The following LMF1 variants were observed in gnomAD, a reference collection of about 807,000 sequenced individuals.
LMF1 encodes transmembrane protein 112.
A neutral mutation model predicts 60.6 loss-of-function variants in LMF1; 68 were observed. The observed-to-expected ratio is 1.12, with a 90% CI of 0.92 to 1.37. LMF1 has a LOEUF of 1.37. Ranked by LOEUF, LMF1 falls within the 40% of genes most tolerant of loss-of-function variation. The pLI is 0.00. For missense variants in LMF1, 948 were observed against 767.2 expected, an observed-to-expected ratio of 1.24 and a Z score of -2.78; for synonymous variants, 418 against 324.7, an observed-to-expected ratio of 1.29 and a Z score of -3.09.
intron 4 of LMF1, among the ~76,000 whole-genome samples, chr16:896,367 C>T (rs1353630178): frequency 6.6e-6 from 1 of 152,242 alleles, no homozygotes; most frequent in Non-Finnish European, 1.5e-5. Flanking sequence ...TGCTGTACGT[C>T]CCTGCCCTCA....
chr16:978,243 C>T (rs959268467), intron 1 of LMF1, among the ~76,000 whole-genome samples: 50 of 151,620 alleles, frequency 3.3e-4, no homozygotes, highest in Admixed American at 8.6e-4. Context: ...ACACACCATA[C>T]GCACTATACA....
In LMF1 at chr16:870,777, G is replaced by A. The variant is rs186694298; in HGVS notation, c.1184C>T (p.Thr395Ile). Residue 395 changes from threonine to isoleucine, a missense_variant, in exon 8 of 11, where the codon ACC becomes ATC. Thr to Ile is a moderately conservative substitution (Grantham distance 89, BLOSUM62 -1). Coordinates refer to ENST00000262301, the MANE Select transcript of LMF1 (RefSeq NM_022773.4). ...NLLSSRQVMN[T>I]HFNSLHIVNT... is the part of the protein sequence containing the mutation. ...GACGATGTGAAGAGAGTTGAAGTGG[G>A]TGTTCATGACCTGCCTGGAGCTCAG... 236 of 1,612,942 alleles carry A rather than the reference G, an allele frequency of 1.5e-4. No homozygotes were observed. The East Asian group carries it at 4.9e-3, about 34-fold the overall frequency.
At chr16:886,932 G>A (rs1237322010) in intron 5 of LMF1, 1 of 147,708 alleles carries the variant, frequency 6.8e-6, no homozygotes, top group Non-Finnish European at 1.5e-5. Context: ...CCAGCACACA[G>A]AGAAAACATT....
At chr16:864,660 ATCT>A (rs993436336) in intron 10 of LMF1, among the ~76,000 whole-genome samples, 2 of 144,124 alleles carry the variant, frequency 1.4e-5, no homozygotes, top group Non-Finnish European at 3.0e-5. Context: ...TTAAGTTACT[ATCT>A]TTTTTTTTTT....
intron 3 of LMF1, among the ~76,000 whole-genome samples, chr16:925,179 A>G (rs1013036882): frequency 1.3e-5 from 2 of 152,254 alleles, no homozygotes; most frequent in Non-Finnish European, 2.9e-5. Context: ...TGAAGAGCAG[A>G]TGCCACCAAA....
At chr16:855,015 C>T (rs956173075) in intron 10 of LMF1, 8 of 481,866 alleles carry the variant, frequency 1.7e-5, no homozygotes, top group East Asian at 7.8e-5. Context: ...AGGAGCTTCA[C>T]GGGTGGCACT....
intron 4 of LMF1, 62 bp downstream of exon 4, chr16:910,869 G>C: frequency 1.3e-6 from 2 of 1,594,666 alleles, no homozygotes; most frequent in South Asian, 2.2e-5. Context: ...TCTCCTAGAA[G>C]CCTCACAGGT....
At chr16:928,806 G>A (rs921758563) in intron 3 of LMF1, among the ~76,000 whole-genome samples, 1 of 152,136 alleles carries the variant, frequency 6.6e-6, no homozygotes, top group Non-Finnish European at 1.5e-5. Flanking sequence ...CAAGATGGGG[G>A]TAGGATCGCC....
intron 4 of LMF1, among the ~76,000 whole-genome samples, chr16:910,195 T>C (rs1166683307): frequency 6.6e-6 from 1 of 152,232 alleles, no homozygotes; most frequent in African/African-American, 2.4e-5. Flanking sequence ...CGTGTTTTTG[T>C]GAACTCAGAG....
intron 1 of LMF1, chr16:979,926 AC>A (rs1383747684): frequency 8.3e-6 from 3 of 362,208 alleles, no homozygotes; most frequent in African/African-American, 2.1e-5. Flanking sequence ...GGATGCGGGG[AC>A]CCCGAGCGGA....
rs570425387 is a variant in LMF1 at position 979,525 on chromosome 16, G to A, written c.-135+1620C>T. ...CAGGGTCTCAGTTGCACAGACCACC[G>A]TGCCCCAGAGTCAGGGCCTGGATGC... On this transcript the variant is annotated intron_variant, in intron 1 of 6. Coordinates refer to the LMF1 transcript ENST00000570014. The A allele has an allele frequency of 4.5e-4, 185 of 412,224 alleles. 2 individuals carry two copies. The highest frequency in any genetic ancestry group is 3.0e-3 in the South Asian group (169 of 56,116). 25.5% of individuals were successfully genotyped at this position (412,224 alleles called of 1,614,324 possible).
intron 1 of LMF1, chr16:979,840 C>A (rs2073291490): frequency 2.3e-6 from 1 of 443,600 alleles, no homozygotes; most frequent in Non-Finnish European, 4.6e-6. Flanking sequence ...TAAACCCCCA[C>A]TTCTGCCTGC....
At position 879,712 on chromosome 16, in the gene LMF1, G is replaced by A. The variant is rs773491556; in HGVS notation, c.755C>T (p.Ala252Val). 1.8e-5 allele frequency: 29 copies of A among 1,597,808 alleles called. No homozygotes were observed. The highest frequency in any genetic ancestry group is 5.2e-5 in the Admixed American group (3 of 57,314). The change falls in exon 6 of 11, where the codon GCG (alanine) becomes GTG (valine). Residue 252 changes from alanine (A) to valine (V), a missense_variant. Ala to Val is a moderately conservative substitution (Grantham distance 64, BLOSUM62 0). Coordinates refer to ENST00000262301, the MANE Select transcript of LMF1 (RefSeq NM_022773.4). ...YETQPMPNPVAYYLHHSPWWF... is the reference protein window; with the variant it reads ...YETQPMPNPVVYYLHHSPWWF... ...CCAGGGTGAGTGGTGCAGGTAGTAC[G>A]CCACAGGATTGGGCATCGGCTGGGT...
intron 10 of LMF1, among the ~76,000 whole-genome samples, chr16:856,978 T>C (rs1457627182): frequency 6.6e-6 from 1 of 152,210 alleles, no homozygotes; most frequent in Admixed American, 6.5e-5. Flanking sequence ...ACCTTCGGCC[T>C]CCTTGTGTGA....
At chr16:964,115 C>T (rs1455328218) in intron 1 of LMF1, 6 of 455,794 alleles carry the variant, frequency 1.3e-5, no homozygotes, top group East Asian at 6.9e-5. Flanking sequence ...CAGGCATGGC[C>T]GATAAATACT....
At position 931,505 on chromosome 16, in the gene LMF1, C is replaced by T. The variant is rs567801145; in HGVS notation, c.514+2739G>A. On this transcript the variant is annotated intron_variant, in intron 3 of 10. Coordinates refer to ENST00000262301, the MANE Select transcript of LMF1 (RefSeq NM_022773.4). ...CGGCTCGGATGAGCTGAGGAACGCA[C>T]GCACAAACTGCATTCTCCCAGGCCG... 446 of 557,982 alleles carry T rather than the reference C, an allele frequency of 8.0e-4. 1 individual carries two copies. The highest frequency in any genetic ancestry group is 1.1e-3 in the Non-Finnish European group (411 of 361,128). The allele number at this position is 557,982 out of a possible 1,614,324, so 34.6% of individuals were successfully genotyped here.
intron 3 of LMF1, among the ~76,000 whole-genome samples, chr16:932,577 T>C (rs2071821478): frequency 1.3e-5 from 2 of 152,186 alleles, no homozygotes; most frequent in South Asian, 4.1e-4. Context: ...GTTGTGATTG[T>C]ACAATTTTAA....
In LMF1 at chr16:854,259, C is replaced by T. The variant is rs879601185; in HGVS notation, c.*273G>A. 16 of 651,320 alleles carry T rather than the reference C, an allele frequency of 2.5e-5. No homozygotes were observed. Among genetic ancestry groups the T allele is most frequent in the Non-Finnish European group, 4.5e-5 (16 of 353,430 alleles). 40.3% of individuals were successfully genotyped at this position (651,320 alleles called of 1,614,324 possible). A position where few individuals can be genotyped will look rare whatever the true frequency, so the allele number is the denominator to read the frequency against. On this transcript the variant is annotated 3_prime_UTR_variant, in exon 11 of 11. Transcript: ENST00000262301. ...GGCGGCACAGCCCCAGGCTGGGCCT[C>T]TGGGAGGAGGGTGGGATGGATGGGA...
In LMF1 at chr16:940,069, G is replaced by A. The variant is rs981665952; in HGVS notation, c.504-5815C>T. On this transcript the variant is annotated intron_variant, in intron 2 of 10. Transcript: ENST00000262301. ...CCAAAGGGGAGGAGGCAAAGCGGCAGGGACCCGAGTGATACGTCCACAAGC... is the reference window on the plus strand; with the variant it reads ...CCAAAGGGGAGGAGGCAAAGCGGCAAGGACCCGAGTGATACGTCCACAAGC... Among the ~76,000 whole-genome samples the A allele has an allele frequency of 5.3e-5, 8 of 152,294 alleles. No individual in the cohort carries two copies. In the South Asian group the frequency reaches 1.5e-3, roughly 28 times the overall value.
Sources: allele counts gnomAD v4.1 joint callset (sites outside exome capture counted in the v4.1 genomes callset), GRCh38; gene constraint gnomAD v4.1.1; transcripts MANE v1.5; gene names NCBI Gene and HGNC (gene_info 2026-07-23, HGNC 2026-07-21).